Variants in ITCH observed in about 807,000 individuals in gnomAD.
ITCH encodes the protein itchy E3 ubiquitin protein ligase.
In ITCH, 28 loss-of-function variants were observed where a neutral mutation model predicts 126.8. That is an observed-to-expected ratio of 0.22 (90% CI 0.16 to 0.30). The LOEUF is 0.30. Among genes scored for constraint, ITCH ranks in the 10% least tolerant of loss-of-function variants. The pLI, the probability that ITCH is intolerant of heterozygous loss-of-function variation, is 1.00. For synonymous variants in ITCH, 342 were observed against 340.0 expected (o/e 1.01, Z -0.06); for missense variants, 631 against 1,032.4 (o/e 0.61, Z 5.33).
At chr20:34,439,737 C>T (rs1983487159) in intron 8 of ITCH, among the ~76,000 whole-genome samples, 1 of 152,172 alleles carries the variant, frequency 6.6e-6, no homozygotes, top group Non-Finnish European at 1.5e-5. Flanking sequence ...TATTTCTTAT[C>T]AGACCTTCCA....
At chr20:34,406,102 GCCTTGACCTCCCAGGCTTAAGCGATCCT>G (rs1360212368) in intron 3 of ITCH, among the ~76,000 whole-genome samples, 18 of 151,602 alleles carry the variant, frequency 1.2e-4, no homozygotes, top group African/African-American at 4.4e-4. Flanking sequence ...GCTCACTGCA[GCCTTGACCTCCCAGGCTTAAGCGATCCT>G]CCTGCCTCAG....
At chr20:34,474,939 C>T (rs1181498085) in intron 16 of ITCH, among the ~76,000 whole-genome samples, 3 of 150,180 alleles carry the variant, frequency 2.0e-5, no homozygotes, top group Non-Finnish European at 3.0e-5. Context: ...ACTTCTCAGA[C>T]GGGGTGGCTG....
chr20:34,467,337 T>C lies in ITCH; in HGVS notation c.1425-2711T>C, dbSNP rs981409583. Among the ~76,000 whole-genome samples the C allele has an allele frequency of 7.9e-5, 12 of 152,120 alleles. 1 individual carries two copies. Among genetic ancestry groups the C allele is most frequent in the Admixed American group, 7.2e-4 (11 of 15,274 alleles). On this transcript the variant is annotated intron_variant, in intron 14 of 24. Transcript: ENST00000374864. ...TGAGCTCAAGAGTTCAAGACCAGCC[T>C]AGGCAACATGGTGAAACCCATGTCT...
intron 6 of ITCH, among the ~76,000 whole-genome samples, chr20:34,415,376 T>A (rs984019907): frequency 6.6e-6 from 1 of 151,250 alleles, no homozygotes; most frequent in Non-Finnish European, 1.5e-5. Flanking sequence ...CTAGGCAACA[T>A]AACAAAACCC....
chr20:34,495,289 AAT>A (rs1377233024), intron 23 of ITCH, among the ~76,000 whole-genome samples: 1 of 73,674 alleles, frequency 1.4e-5, no homozygotes, highest in African/African-American at 4.2e-5. Flanking sequence ...TAAATAAATA[AAT>A]AAAATATATA....
chr20:34,471,796 T>TGTGTGTGTGTGTGTGTGTGTG (rs58040161), intron 16 of ITCH, among the ~76,000 whole-genome samples: 1 of 150,178 alleles, frequency 6.7e-6, no homozygotes, highest in African/African-American at 2.5e-5. Context: ...TGTGTGTGTG[T>TGTGTGTGTGTGTGTGTGTGTG]TTCAGGTTTC....
rs958586433 is a variant in ITCH, at chr20:34,468,219, A to G, written c.1425-1829A>G. ...CTGGCTAATTTTTTGTATTTTTAGT[A>G]GAGACGGGGTTTCACTGTGTTAGCC... On this transcript the variant is annotated intron_variant, in intron 14 of 24. Transcript: ENST00000374864. 4.6e-4 allele frequency among the ~76,000 whole-genome samples: 70 copies of G among 151,838 alleles called. 1 individual carries two copies. The highest frequency in any genetic ancestry group is 1.7e-3 in the African/African-American group (70 of 41,450).
At chr20:34,480,342 C>T (rs764228346) in intron 18 of ITCH, among the ~76,000 whole-genome samples, 8 of 152,038 alleles carry the variant, frequency 5.3e-5, no homozygotes, top group Non-Finnish European at 1.0e-4. Context: ...GGATTACAAA[C>T]AAGCATGTGC....
At chr20:34,363,800 C>G (rs920446236) in intron 1 of ITCH, among the ~76,000 whole-genome samples, 1 of 152,098 alleles carries the variant, frequency 6.6e-6, no homozygotes, top group African/African-American at 2.4e-5. Context: ...AGCTGGCCTT[C>G]TCGAGACTTT....
intron 3 of ITCH, among the ~76,000 whole-genome samples, chr20:34,394,949 C>G (rs1199161017): frequency 6.6e-6 from 1 of 151,842 alleles, no homozygotes; most frequent in Non-Finnish European, 1.5e-5. Flanking sequence ...AGACTTCAGT[C>G]AGCCAGGCAC....
At chr20:34,452,677 G>C (rs1045609018) in intron 12 of ITCH, among the ~76,000 whole-genome samples, 1 of 152,100 alleles carries the variant, frequency 6.6e-6, no homozygotes, top group Non-Finnish European at 1.5e-5. Flanking sequence ...TGAATAATTG[G>C]TTTTTTAGAG....
rs117984745 is a variant in ITCH, at chr20:34,400,318, G to A, written c.70+6437G>A. 9.2e-3 allele frequency among the ~76,000 whole-genome samples: 1,407 copies of A among 152,138 alleles called. 65 individuals carry two copies. The East Asian group carries it at 0.11, about 12-fold the overall frequency. ...CTCCTGGCCTCAAGTGATGCTCCCAGCCTTTCCATAAGTGTTGGAATTATA... is the reference window on the plus strand; with the variant it reads ...CTCCTGGCCTCAAGTGATGCTCCCAACCTTTCCATAAGTGTTGGAATTATA... On this transcript the variant is annotated intron_variant, in intron 3 of 24. Coordinates refer to ENST00000374864, the MANE Select transcript of ITCH (RefSeq NM_031483.7).
At chr20:34,445,228 A>G (rs1287981402) in intron 10 of ITCH, 59 bp from the exon 11 acceptor site, 15 of 1,572,088 alleles carry the variant, frequency 9.5e-6, no homozygotes, top group East Asian at 4.5e-5. Context: ...AAAATATTCT[A>G]TCTGTTTCAC....
chr20:34,374,817 T>G (rs1214107171), intron 2 of ITCH, among the ~76,000 whole-genome samples: 2 of 150,856 alleles, frequency 1.3e-5, no homozygotes, highest in African/African-American at 2.4e-5. Flanking sequence ...CACTGCAACC[T>G]CAACCTCTGC....
intron 23 of ITCH, among the ~76,000 whole-genome samples, chr20:34,502,603 G>A (rs73610855): frequency 4.7e-5 from 7 of 150,000 alleles, no homozygotes; most frequent in South Asian, 2.1e-4. Flanking sequence ...CCAGCTACTC[G>A]GGAGGCTGAG....
At chr20:34,499,531 G>A (rs185836425) in intron 23 of ITCH, among the ~76,000 whole-genome samples, 84 of 151,410 alleles carry the variant, frequency 5.5e-4, no homozygotes, top group African/African-American at 2.0e-3. Context: ...TGTGGTGTCA[G>A]TTGTAATGTC....
intron 14 of ITCH, among the ~76,000 whole-genome samples, chr20:34,463,999 G>GTC (rs936135699): frequency 3.3e-5 from 5 of 151,646 alleles, no homozygotes; most frequent in Admixed American, 6.6e-5. Flanking sequence ...TTTTGAGACA[G>GTC]TCTCTCTCTC....
intron 23 of ITCH, among the ~76,000 whole-genome samples, chr20:34,499,272 C>CATTTTTTTT (rs1990091471): frequency 4.3e-5 from 1 of 23,010 alleles, no homozygotes; most frequent in South Asian, 2.3e-3. Flanking sequence ...CTGTGCCCAG[C>CATTTTTTTT]TTTTTTTTTT....
chr20:34,503,875 T>TG (rs1990436934), intron 23 of ITCH, among the ~76,000 whole-genome samples: 1 of 113,436 alleles, frequency 8.8e-6, no homozygotes, highest in African/African-American at 3.1e-5. Flanking sequence ...TTTTGGTTTT[T>TG]TTTTTTTTGG....
Sources: allele counts gnomAD v4.1 joint callset (sites outside exome capture counted in the v4.1 genomes callset), GRCh38; gene constraint gnomAD v4.1.1; transcripts MANE v1.5; gene names NCBI Gene and HGNC (gene_info 2026-07-23, HGNC 2026-07-21).